Variants in ZNF385D observed in about 807,000 individuals in gnomAD.
ZNF385D encodes the protein zinc finger protein 385D, also known as zinc finger protein 659.
ZNF385D carries 15 observed loss-of-function variants against 35.8 expected under a neutral mutation model. That is an observed-to-expected ratio of 0.42 (90% CI 0.28 to 0.64). ZNF385D has a LOEUF of 0.64. ZNF385D is among the 30% of genes least tolerant of loss of function. ZNF385D has a pLI of 0.23. For synonymous variants in ZNF385D, 212 were observed against 186.8 expected (o/e 1.13, Z -1.10); for missense variants, 474 against 494.6 (o/e 0.96, Z 0.39).
At chr3:21,789,863 T>C (rs1297184539) in intron 3 of ZNF385D, among the ~76,000 whole-genome samples, 3 of 152,212 alleles carry the variant, frequency 2.0e-5, no homozygotes, top group Non-Finnish European at 4.4e-5. Flanking sequence ...GTATGTGGCT[T>C]CTTGGGTTCT....
intron 4 of ZNF385D, among the ~76,000 whole-genome samples, chr3:21,471,021 C>T (rs1351180329): frequency 6.6e-6 from 1 of 152,002 alleles, no homozygotes; most frequent in African/African-American, 2.4e-5. Context: ...CCTTATTGTC[C>T]ATTGATAAAA....
rs565390501 is a variant in ZNF385D at position 22,222,605 on chromosome 3, T to C, written c.107-53570A>G. Among the ~76,000 whole-genome samples the C allele has an allele frequency of 8.5e-5, 13 of 152,310 alleles. No individual in the cohort carries two copies. The South Asian group carries it at 2.5e-3, about 29-fold the overall frequency. ...AACTAGCAGGACAATGGACTAGCTATACGACTGTGGGGAAGCTACTTACTG... is the reference window on the plus strand; with the variant it reads ...AACTAGCAGGACAATGGACTAGCTACACGACTGTGGGGAAGCTACTTACTG... On this transcript the variant is annotated intron_variant, in intron 2 of 5. Coordinates refer to the ZNF385D transcript ENST00000494108.
intron 3 of ZNF385D, among the ~76,000 whole-genome samples, chr3:21,512,248 G>C (rs1443516213): frequency 6.6e-6 from 1 of 151,630 alleles, no homozygotes; most frequent in Admixed American, 6.6e-5. Context: ...TACTGTAGTT[G>C]GTGGGTAGGG....
intron 3 of ZNF385D, among the ~76,000 whole-genome samples, chr3:21,778,306 A>G (rs962120776): frequency 5.3e-5 from 8 of 151,782 alleles, no homozygotes; most frequent in African/African-American, 1.9e-4. Context: ...AAACACACTT[A>G]TTTCTTTCCC....
At chr3:22,171,735 G>C (rs1417220880) in intron 2 of ZNF385D, among the ~76,000 whole-genome samples, 2 of 151,838 alleles carry the variant, frequency 1.3e-5, no homozygotes, top group African/African-American at 4.8e-5. Context: ...AAATTAGCCG[G>C]GCGTGGTGCC....
intron 3 of ZNF385D, among the ~76,000 whole-genome samples, chr3:21,915,097 C>G (rs1257291291): frequency 6.7e-6 from 1 of 150,350 alleles, no homozygotes; most frequent in African/African-American, 2.4e-5. Context: ...ATTTTTTTAA[C>G]ACCTTACATA....
chr3:21,865,513 G>A (rs556004522), intron 3 of ZNF385D, among the ~76,000 whole-genome samples: 1 of 152,234 alleles, frequency 6.6e-6, no homozygotes, highest in South Asian at 2.1e-4. Flanking sequence ...TGCTCCAGCA[G>A]AACTTGCAGA....
intron 2 of ZNF385D, among the ~76,000 whole-genome samples, chr3:22,239,185 A>T (rs1397607969): frequency 6.6e-6 from 1 of 151,238 alleles, no homozygotes; most frequent in African/African-American, 2.4e-5. Context: ...CAAGAGTTGG[A>T]AAACTATGAT....
At chr3:21,753,051 T>C (rs559866280), upstream of ZNF385D, among the ~76,000 whole-genome samples, 1 of 152,270 alleles carries the variant, frequency 6.6e-6, no homozygotes, top group African/African-American at 2.4e-5. Context: ...ATAGGAGATT[T>C]GAAACATTAA....
intron 2 of ZNF385D, among the ~76,000 whole-genome samples, chr3:22,212,995 T>G (rs1051959041): frequency 2.0e-5 from 3 of 152,054 alleles, no homozygotes; most frequent in African/African-American, 4.8e-5. Context: ...TATTTAGAGG[T>G]GGTGAATAAG....
intron 3 of ZNF385D, among the ~76,000 whole-genome samples, chr3:22,135,968 C>T (rs1459626480): frequency 6.6e-6 from 1 of 152,106 alleles, no homozygotes; most frequent in Non-Finnish European, 1.5e-5. Flanking sequence ...ATATAAAAAT[C>T]AACTGAAAAT....
chr3:22,322,870 T>C (rs1270134725), intron 2 of ZNF385D, among the ~76,000 whole-genome samples: 3 of 152,210 alleles, frequency 2.0e-5, no homozygotes, highest in Non-Finnish European at 2.9e-5. Flanking sequence ...CTTTTTATCA[T>C]TTTTAATCAG....
chr3:21,990,655 TAA>T (rs1380004889), intron 3 of ZNF385D, among the ~76,000 whole-genome samples: 1 of 152,214 alleles, frequency 6.6e-6, no homozygotes, highest in African/African-American at 2.4e-5. Context: ...CTAGAATATA[TAA>T]AGTTATCAAT....
chr3:21,993,045 T>C (rs998137666), intron 3 of ZNF385D, among the ~76,000 whole-genome samples: 7 of 152,224 alleles, frequency 4.6e-5, no homozygotes, highest in African/African-American at 1.7e-4. Flanking sequence ...TCCTTGCCAA[T>C]CCTGAATCTG....
intron 3 of ZNF385D, among the ~76,000 whole-genome samples, chr3:22,098,275 C>T (rs1425913686): frequency 6.6e-6 from 1 of 152,028 alleles, no homozygotes; most frequent in Non-Finnish European, 1.5e-5. Context: ...AGTGACCATT[C>T]AAGTTGACTT....
At chr3:22,259,225 C>T (rs1201614912) in intron 2 of ZNF385D, among the ~76,000 whole-genome samples, 2 of 151,770 alleles carry the variant, frequency 1.3e-5, no homozygotes, top group Non-Finnish European at 1.5e-5. Context: ...TATAAAATCT[C>T]ATGTAATAAT....
chr3:21,655,022 TGGATTTTCCCACTAATTTTGGCCATGA>T (rs1473291823), intron 2 of ZNF385D, among the ~76,000 whole-genome samples: 2 of 151,932 alleles, frequency 1.3e-5, no homozygotes, highest in Non-Finnish European at 2.9e-5. Flanking sequence ...GTTGTGAAAA[TGGATTTTCCCACTAATTTTGGCCATGA>T]GGTAGAACAC....
chr3:21,847,284 T>C (rs1052787968), intron 3 of ZNF385D, among the ~76,000 whole-genome samples: 1 of 152,096 alleles, frequency 6.6e-6, no homozygotes, highest in Non-Finnish European at 1.5e-5. Flanking sequence ...TCACATTATG[T>C]ATATTCAAAA....
In ZNF385D at chr3:22,038,916, T is replaced by A. The variant is rs915733602; in HGVS notation, c.325+129901A>T. ...ATTATATATAAACATATATATTTTT[T>A]ATTATAACAAAGTTATAATAAATAT... On this transcript the variant is annotated intron_variant, in intron 3 of 5. Coordinates refer to the ZNF385D transcript ENST00000494108. 1.1e-4 allele frequency among the ~76,000 whole-genome samples: 16 copies of A among 149,946 alleles called. 1 individual carries two copies. In the South Asian group the frequency reaches 2.7e-3, roughly 25 times the overall value.
Sources: allele counts gnomAD v4.1 joint callset (sites outside exome capture counted in the v4.1 genomes callset), GRCh38; gene constraint gnomAD v4.1.1; transcripts MANE v1.5; gene names NCBI Gene and HGNC (gene_info 2026-07-23, HGNC 2026-07-21).